CAV3: variants seen among roughly 807,000 people sequenced by gnomAD.
CAV3 encodes caveolin-3.
A neutral mutation model predicts 13.4 loss-of-function variants in CAV3; 10 were observed. The observed-to-expected ratio is 0.75, with a 90% CI of 0.46 to 1.27. The LOEUF (loss-of-function observed/expected upper bound fraction) is 1.27, where lower values mean the gene tolerates loss of function less well. CAV3 is among the 50% of genes most tolerant of loss of function. CAV3 has a pLI of 0.00. For synonymous variants in CAV3, 90 were observed against 79.0 expected (o/e 1.14, Z -0.74); for missense variants, 162 against 194.0 (o/e 0.83, Z 0.98).
intron 1 of CAV3, chr3:8,742,745 T>C (rs774729207): frequency 6.7e-6 from 2 of 298,038 alleles, no homozygotes; most frequent in East Asian, 9.2e-5. Flanking sequence ...GGTGGATGGA[T>C]GGATGGATGA....
At chr3:8,741,873 A>G (rs1359197132) in intron 1 of CAV3, among the ~76,000 whole-genome samples, 1 of 152,026 alleles carries the variant, frequency 6.6e-6, no homozygotes, top group Non-Finnish European at 1.5e-5. Context: ...GGTTTCAATT[A>G]ATCAACTGGG....
chr3:8,739,341 G>T (rs577615248), intron 1 of CAV3, among the ~76,000 whole-genome samples: 17 of 152,134 alleles, frequency 1.1e-4, no homozygotes, highest in Admixed American at 3.3e-4. Context: ...GGCCAGGCAC[G>T]GTGGCTCACA....
intron 1 of CAV3, among the ~76,000 whole-genome samples, chr3:8,739,459 CAA>C (rs35943957): frequency 2.2e-4 from 32 of 144,118 alleles, no homozygotes; most frequent in Middle Eastern, 7.1e-3. Context: ...ACTAAAAATA[CAA>C]AAAAAAAAAA....
Position 8,745,446 on chromosome 3 carries a change from G to A in CAV3, c.115-80G>A. On this transcript the variant is annotated intron_variant, in intron 1 of 1. Transcript: ENST00000343849. The surrounding 1 kb of genome is among the most constrained non-coding windows in gnomAD (Gnocchi z 4.8). ...GTTAACCTGACCTCTAGGGGATTCTGACACATGCACGCACACACCCAAAAG... is the reference window on the plus strand; with the variant it reads ...GTTAACCTGACCTCTAGGGGATTCTAACACATGCACGCACACACCCAAAAG... 9.1e-7 allele frequency: 1 copy of A among 1,099,996 alleles called. No homozygotes were observed. The highest frequency in any genetic ancestry group is 2.4e-5 in the East Asian group (1 of 41,884). 68.1% of individuals were successfully genotyped at this position (1,099,996 alleles called of 1,614,324 possible).
chr3:8,738,059 CTCTCTCTCT>C (rs975116530), intron 1 of CAV3, among the ~76,000 whole-genome samples: 2 of 150,840 alleles, frequency 1.3e-5, no homozygotes, highest in African/African-American at 4.8e-5. Flanking sequence ...TCTCTCTCCT[CTCTCTCTCT>C]TCTCTCTCTA....
chr3:8,742,418 G>A, intron 1 of CAV3: 1 of 408,564 alleles, frequency 2.4e-6, no homozygotes, highest in African/African-American at 2.1e-5. Context: ...ACATACAGAA[G>A]CCATTGGCGG....
rs534508701 is a variant in CAV3 at position 8,736,635 on chromosome 3, G to A, written c.114+2645G>A. On this transcript the variant is annotated intron_variant, in intron 1 of 1. Transcript: ENST00000343849. ...GCCAGGAGGGAGCCAGCTCCAAGCC[G>A]CAGGCCTGGATTATGACGCAGAGGG... Among the ~76,000 whole-genome samples, 351 of 152,348 alleles carry A rather than the reference G, an allele frequency of 2.3e-3. 1 individual carries two copies. The highest frequency in any genetic ancestry group is 1.9e-3 in the Non-Finnish European group (128 of 68,028).
At chr3:8,734,196 C>G (rs1707668078) in intron 1 of CAV3, among the ~76,000 whole-genome samples, 1 of 144,942 alleles carries the variant, frequency 6.9e-6, no homozygotes, top group Non-Finnish European at 1.5e-5. Flanking sequence ...AAATCAAGAG[C>G]AAAAAATTAG....
chr3:8,734,728 T>A (rs1307238674), intron 1 of CAV3, among the ~76,000 whole-genome samples: 1 of 152,070 alleles, frequency 6.6e-6, no homozygotes, highest in Non-Finnish European at 1.5e-5. Context: ...GGATCTTTCT[T>A]TTTTCTTTTT....
chr3:8,738,528 C>T (rs1487325393), intron 1 of CAV3, among the ~76,000 whole-genome samples: 2 of 152,076 alleles, frequency 1.3e-5, no homozygotes, highest in Non-Finnish European at 2.9e-5. Flanking sequence ...AGCTGAACAC[C>T]GTAAATGAGT....
At chr3:8,738,392 C>T (rs547086843) in intron 1 of CAV3, among the ~76,000 whole-genome samples, 6 of 152,346 alleles carry the variant, frequency 3.9e-5, no homozygotes, top group Admixed American at 3.3e-4. Flanking sequence ...AACACTTGTT[C>T]CAGGTTTGTG....
intron 1 of CAV3, among the ~76,000 whole-genome samples, chr3:8,738,953 C>T (rs540500669): frequency 3.3e-5 from 5 of 152,320 alleles, no homozygotes; most frequent in African/African-American, 1.2e-4. Context: ...AGGATTAGGA[C>T]AGAGGATCTG....
At chr3:8,744,445 A>AT (rs141816229) in intron 1 of CAV3, among the ~76,000 whole-genome samples, 2,400 of 111,364 alleles carry the variant, frequency 0.022, 27 homozygotes, top group East Asian at 0.07. Context: ...TACCCGGCTA[A>AT]TTTTTTTTTT....
At chr3:8,739,411 A>G (rs946417969) in intron 1 of CAV3, among the ~76,000 whole-genome samples, 9 of 151,968 alleles carry the variant, frequency 5.9e-5, no homozygotes, top group African/African-American at 2.2e-4. Context: ...TCAGGAGTTC[A>G]AAACCTGACC....
Position 8,746,498 on chromosome 3 carries a change from T to C in CAV3, c.*631T>C, listed in dbSNP as rs920453129. On this transcript the variant is annotated 3_prime_UTR_variant, in exon 2 of 2. Coordinates refer to ENST00000343849, the MANE Select transcript of CAV3 (RefSeq NM_033337.3). The stretch of plus-strand genomic sequence containing the variant: ...GAAGATCATGTTTAAGTGACTCCTG[T>C]TGCCTGAGCACAAAAATGGGCACCA... 1.3e-5 allele frequency: 2 copies of C among 152,210 alleles called. No homozygotes were observed. The highest frequency in any genetic ancestry group is 2.9e-5 in the Non-Finnish European group (2 of 68,106). The allele number at this position is 152,210 out of a possible 1,614,324, so 9.4% of individuals were successfully genotyped here.
intron 1 of CAV3, among the ~76,000 whole-genome samples, chr3:8,740,012 G>A (rs550247711): frequency 2.6e-4 from 39 of 152,250 alleles, no homozygotes; most frequent in African/African-American, 9.4e-4. Context: ...GCTGAGCTGT[G>A]GTGCTGGGGT....
chr3:8,739,328 T>C (rs536292053), intron 1 of CAV3, among the ~76,000 whole-genome samples: 2 of 152,214 alleles, frequency 1.3e-5, no homozygotes, highest in South Asian at 4.2e-4. Context: ...AGTTTCATGC[T>C]CAGGCCAGGC....
intron 1 of CAV3, among the ~76,000 whole-genome samples, chr3:8,740,609 T>A (rs940378199): frequency 6.6e-5 from 10 of 152,302 alleles, no homozygotes; most frequent in African/African-American, 2.4e-4. Flanking sequence ...TCTTCCCAGC[T>A]CCTTTACATA....
chr3:8,739,351 A>G (rs1018831986), intron 1 of CAV3, among the ~76,000 whole-genome samples: 2 of 152,128 alleles, frequency 1.3e-5, no homozygotes. Context: ...GGTGGCTCAC[A>G]CCTGTAATCC....
Sources: gnomAD v4.1 joint callset for allele counts (sites outside exome capture counted in the v4.1 genomes callset) on GRCh38, gnomAD v4.1.1 for gene constraint, Gnocchi (gnomAD v3.1) non-coding constraint, MANE v1.5 for transcripts, NCBI Gene and HGNC (gene_info 2026-07-23, HGNC 2026-07-21) for gene names.